Variants in PCED1B observed in about 807,000 individuals in gnomAD.
PCED1B encodes the protein PC-esterase domain-containing protein 1B.
For synonymous variants in PCED1B, 251 were observed against 246.1 expected (o/e 1.02, Z -0.19); for missense variants, 573 against 573.9 (o/e 1.00, Z 0.02).
chr12:47,096,161 C>G (rs1938478060), intron 1 of PCED1B, among the ~76,000 whole-genome samples: 1 of 152,034 alleles, frequency 6.6e-6, no homozygotes, highest in Non-Finnish European at 1.5e-5. Context: ...GTGTTCCAGC[C>G]CCATGGAAAA....
At chr12:47,173,102 G>A (rs183182803) in intron 2 of PCED1B, among the ~76,000 whole-genome samples, 2 of 152,302 alleles carry the variant, frequency 1.3e-5, no homozygotes, top group East Asian at 3.9e-4. Context: ...GACATAGAAA[G>A]TGTCACAGAA....
rs928908007 is a variant in PCED1B at position 47,169,770 on chromosome 12, G to T, written c.-525-46452G>T. The stretch of plus-strand genomic sequence containing the variant: ...TTTGGGAGGCCAAGATAGGAAGATC[G>T]CTTGAGCCCAGGAGTTCAAGGCTGC... On this transcript the variant is annotated intron_variant, in intron 2 of 3. Coordinates refer to ENST00000546455, the MANE Select transcript of PCED1B (RefSeq NM_138371.3). 6.0e-5 allele frequency among the ~76,000 whole-genome samples: 9 copies of T among 151,134 alleles called. No individual in the cohort carries two copies. In the South Asian group the frequency reaches 1.5e-3, roughly 25 times the overall value.
At chr12:47,145,938 C>T (rs921285658) in intron 2 of PCED1B, among the ~76,000 whole-genome samples, 4 of 152,202 alleles carry the variant, frequency 2.6e-5, no homozygotes, top group Non-Finnish European at 4.4e-5. Context: ...CATAAGGCTA[C>T]AGCTGCTATA....
intron 2 of PCED1B, chr12:47,135,604 C>A (rs781533462): frequency 5.0e-5 from 25 of 500,832 alleles, no homozygotes; most frequent in Middle Eastern, 6.0e-4. Context: ...GGCCTGGGCC[C>A]CAGTCAGGTC....
intron 3 of PCED1B, 95 bp downstream of exon 3, chr12:47,216,784 G>T (rs1176204946): frequency 6.6e-6 from 1 of 152,224 alleles, no homozygotes; most frequent in African/African-American, 2.4e-5. Flanking sequence ...GGCACTTACT[G>T]TAGACAGGAA....
chr12:47,188,888 G>A (rs1054858564), intron 2 of PCED1B, among the ~76,000 whole-genome samples: 1 of 152,112 alleles, frequency 6.6e-6, no homozygotes, highest in Non-Finnish European at 1.5e-5. Flanking sequence ...CTGGATTTAG[G>A]TGCCAGACTC....
intron 2 of PCED1B, among the ~76,000 whole-genome samples, chr12:47,172,262 G>A (rs1941768582): frequency 6.6e-6 from 1 of 150,876 alleles, no homozygotes; most frequent in African/African-American, 2.4e-5. Context: ...TGTTCTTTCA[G>A]GCTACTAATT....
chr12:47,153,071 C>A (rs531600700), intron 2 of PCED1B, among the ~76,000 whole-genome samples: 2 of 151,638 alleles, frequency 1.3e-5, no homozygotes, highest in African/African-American at 4.8e-5. Flanking sequence ...AAATTCAGGC[C>A]GGGCACAGTG....
At chr12:47,193,321 C>T (rs548672078) in intron 2 of PCED1B, among the ~76,000 whole-genome samples, 28 of 152,316 alleles carry the variant, frequency 1.8e-4, no homozygotes, top group Admixed American at 5.2e-4. Context: ...ATGAGCATCA[C>T]TGTCCACTCA....
Position 47,102,424 on chromosome 12 carries a change from T to C in PCED1B, c.-608-1689T>C, listed in dbSNP as rs565635980. Among the ~76,000 whole-genome samples the C allele has an allele frequency of 6.6e-5, 10 of 152,376 alleles. No homozygotes were observed. The South Asian group carries it at 2.1e-3, about 32-fold the overall frequency. On this transcript the variant is annotated intron_variant, in intron 1 of 3. Coordinates refer to ENST00000546455, the MANE Select transcript of PCED1B (RefSeq NM_138371.3). ...ATAATAAACTACATTCCCATTCGCC[T>C]ATCCCTCTACCCCAGTACTGTGTTA...
chr12:47,190,119 GTT>G (rs1374051029), intron 2 of PCED1B, among the ~76,000 whole-genome samples: 1 of 152,206 alleles, frequency 6.6e-6, no homozygotes, highest in African/African-American at 2.4e-5. Flanking sequence ...TTTGCATAGT[GTT>G]TTGTTATTTA....
At chr12:47,226,589 G>T (rs1262146631) in intron 3 of PCED1B, among the ~76,000 whole-genome samples, 1 of 152,158 alleles carries the variant, frequency 6.6e-6, no homozygotes, top group African/African-American at 2.4e-5. Flanking sequence ...TGGCCAGGCT[G>T]GTCTTGAACT....
intron 2 of PCED1B, among the ~76,000 whole-genome samples, chr12:47,205,073 T>C (rs751177026): frequency 2.0e-5 from 3 of 152,194 alleles, no homozygotes; most frequent in Non-Finnish European, 2.9e-5. Context: ...TGGAGTTTTA[T>C]TATTACTCAA....
chr12:47,081,113 G>T (rs981423131), intron 1 of PCED1B, among the ~76,000 whole-genome samples: 16 of 152,162 alleles, frequency 1.1e-4, no homozygotes. Flanking sequence ...TTTAACGATG[G>T]GATTTGAGTG....
intron 2 of PCED1B, among the ~76,000 whole-genome samples, chr12:47,186,857 A>G (rs1402526494): frequency 6.6e-6 from 1 of 152,190 alleles, no homozygotes; most frequent in East Asian, 1.9e-4. Context: ...TACTTAGGAT[A>G]TCTCCAGCTG....
intron 2 of PCED1B, among the ~76,000 whole-genome samples, chr12:47,202,594 TAAAAAAAAAA>T (rs60769675): frequency 1.5e-5 from 1 of 66,676 alleles, no homozygotes; most frequent in Non-Finnish European, 2.9e-5. Context: ...TAGACATTAG[TAAAAAAAAAA>T]AAAAAAAAAA....
At chr12:47,109,935 C>T (rs1253099901) in intron 2 of PCED1B, among the ~76,000 whole-genome samples, 1 of 152,094 alleles carries the variant, frequency 6.6e-6, no homozygotes, top group Non-Finnish European at 1.5e-5. Flanking sequence ...GTAAACACCT[C>T]TATGATTCTA....
intron 3 of PCED1B, among the ~76,000 whole-genome samples, chr12:47,232,983 C>T (rs1190436598): frequency 2.6e-5 from 4 of 151,712 alleles, no homozygotes; most frequent in East Asian, 1.9e-4. Context: ...GTGGCCCAGG[C>T]GGGAGTGAAG....
rs1264485092 is a variant in PCED1B, at chr12:47,235,726, G to T, written c.663G>T (p.Ala221=). The T allele has an allele frequency of 1.2e-6, 2 of 1,609,884 alleles. No individual in the cohort carries two copies. Among genetic ancestry groups the T allele is most frequent in the Non-Finnish European group, 1.7e-6 (2 of 1,178,400 alleles). The change falls in exon 4 of 4, where the codon GCG becomes GCT. Residue 221 remains alanine, a synonymous_variant. Coordinates refer to ENST00000546455, the MANE Select transcript of PCED1B (RefSeq NM_138371.3). ...ACTTGCATTTCCACTTCCGCCACGC[G>T]AGGGAGAACCTGCACTGGGACGGGG... ...VLDLHFHFRH[A]RENLHWDGVH... is the part of the protein sequence containing the mutation.
Sources: allele counts gnomAD v4.1 joint callset (sites outside exome capture counted in the v4.1 genomes callset), GRCh38; gene constraint gnomAD v4.1.1; transcripts MANE v1.5; gene names NCBI Gene and HGNC (gene_info 2026-07-23, HGNC 2026-07-21).